Variants in NTM observed in about 807,000 individuals in gnomAD.
The protein encoded by NTM is neurotrimin.
A neutral mutation model predicts 42.1 loss-of-function variants in NTM; 13 were observed. The ratio of observed to expected loss-of-function variants is 0.31; its 90% CI spans 0.20 to 0.49. NTM has a LOEUF of 0.49. NTM is among the 20% of genes least tolerant of loss of function. The pLI is 0.99. For synonymous variants in NTM, 187 were observed against 179.2 expected (o/e 1.04, Z -0.35); for missense variants, 373 against 452.8 (o/e 0.82, Z 1.60).
chr11:131,620,289 A>G (rs1018506651), intron 1 of NTM, among the ~76,000 whole-genome samples: 2 of 152,132 alleles, frequency 1.3e-5, no homozygotes, highest in Non-Finnish European at 2.9e-5. Context: ...AGCTAAAACC[A>G]TTTTCAAGTC....
chr11:132,179,292 C>T (rs2077225743), intron 3 of NTM, among the ~76,000 whole-genome samples: 1 of 152,100 alleles, frequency 6.6e-6, no homozygotes, highest in African/African-American at 2.4e-5. Flanking sequence ...GAGAGTCTGC[C>T]AATCCAAAGT....
rs780711418 is a variant in NTM at position 131,375,421 on chromosome 11, T to G, written c.82+4533T>G. The stretch of plus-strand genomic sequence containing the variant: ...CAATTAAACATAAAAAAAGAAAGCA[T>G]GCAGTAATAAAGAAGTCGATGGCAT... On this transcript the variant is annotated intron_variant, in intron 1 of 8. Coordinates refer to ENST00000683400, the MANE Select transcript of NTM (RefSeq NM_001352005.2). Among the ~76,000 whole-genome samples the G allele has an allele frequency of 8.6e-4, 131 of 152,202 alleles. 3 individuals are homozygous for G. Among genetic ancestry groups the G allele is most frequent in the Non-Finnish European group, 1.3e-4 (9 of 68,038 alleles).
At chr11:132,076,361 T>C (rs1241775214) in intron 2 of NTM, among the ~76,000 whole-genome samples, 1 of 152,164 alleles carries the variant, frequency 6.6e-6, no homozygotes, top group Non-Finnish European at 1.5e-5. Context: ...ACTTGGACCA[T>C]GGGCTGCATT....
At chr11:132,062,653 C>T (rs368447746) in intron 2 of NTM, among the ~76,000 whole-genome samples, 9 of 152,278 alleles carry the variant, frequency 5.9e-5, no homozygotes, top group African/African-American at 2.2e-4. Flanking sequence ...TGTAATCAGA[C>T]AGGATGTAGC....
intron 2 of NTM, among the ~76,000 whole-genome samples, chr11:132,040,241 G>A (rs983143343): frequency 7.2e-5 from 11 of 152,272 alleles, no homozygotes; most frequent in African/African-American, 2.4e-4. Context: ...GATTACAGAC[G>A]TGAGCCACTT....
At chr11:132,241,254 C>G (rs1386866577) in intron 4 of NTM, among the ~76,000 whole-genome samples, 1 of 152,128 alleles carries the variant, frequency 6.6e-6, no homozygotes, top group Non-Finnish European at 1.5e-5. Context: ...AATTTGCCTT[C>G]TGTAAACTTT....
chr11:131,531,229 G>A (rs1318417315), intron 1 of NTM, among the ~76,000 whole-genome samples: 2 of 152,266 alleles, frequency 1.3e-5, no homozygotes, highest in Non-Finnish European at 2.9e-5. Flanking sequence ...TTGATCTCCT[G>A]AGCTCAAGTG....
At chr11:132,028,074 A>G (rs1039946722) in intron 2 of NTM, among the ~76,000 whole-genome samples, 1 of 149,392 alleles carries the variant, frequency 6.7e-6, no homozygotes, top group Non-Finnish European at 1.5e-5. Context: ...ATTCTTTTTT[A>G]CAGTTTTCAT....
At chr11:132,283,862 C>T (rs2094112377) in intron 4 of NTM, among the ~76,000 whole-genome samples, 1 of 152,130 alleles carries the variant, frequency 6.6e-6, no homozygotes, top group Admixed American at 6.5e-5. Context: ...AGAGGAGACA[C>T]TAAGCTCTTG....
chr11:131,848,136 A>C (rs972517229), intron 1 of NTM, among the ~76,000 whole-genome samples: 1 of 152,218 alleles, frequency 6.6e-6, no homozygotes, highest in African/African-American at 2.4e-5. Context: ...AGGGGTTCTA[A>C]AGTTCAGATA....
At chr11:131,799,314 A>G (rs771784675) in intron 1 of NTM, among the ~76,000 whole-genome samples, 2 of 152,202 alleles carry the variant, frequency 1.3e-5, no homozygotes, top group Non-Finnish European at 2.9e-5. Context: ...TCCTCTGCAC[A>G]GAATTCTTGG....
At chr11:131,782,140 A>G (rs1023967377) in intron 1 of NTM, among the ~76,000 whole-genome samples, 8 of 152,200 alleles carry the variant, frequency 5.3e-5, no homozygotes. Context: ...AGATTAATAA[A>G]TCCCAAAAGA....
At chr11:131,893,714 G>T (rs2051755883) in intron 1 of NTM, among the ~76,000 whole-genome samples, 1 of 152,194 alleles carries the variant, frequency 6.6e-6, no homozygotes, top group Non-Finnish European at 1.5e-5. Flanking sequence ...CTTAAAAAGT[G>T]AGGGCATCAA....
chr11:131,991,978 A>G (rs1251306124), intron 2 of NTM, among the ~76,000 whole-genome samples: 3 of 152,168 alleles, frequency 2.0e-5, no homozygotes, highest in Non-Finnish European at 2.9e-5. Context: ...GGATGTATAT[A>G]TGGAAACCTA....
chr11:131,377,569 G>A (rs1396620820), intron 1 of NTM, among the ~76,000 whole-genome samples: 1 of 152,200 alleles, frequency 6.6e-6, no homozygotes, highest in Non-Finnish European at 1.5e-5. Context: ...CTTTTAATTT[G>A]CTATCCAATC....
intron 1 of NTM, among the ~76,000 whole-genome samples, chr11:131,691,797 C>T (rs1362176739): frequency 6.6e-6 from 1 of 152,228 alleles, no homozygotes; most frequent in Non-Finnish European, 1.5e-5. Context: ...GGAGGCGGCG[C>T]ATCCACACAG....
intron 1 of NTM, among the ~76,000 whole-genome samples, chr11:131,666,664 G>A (rs554373404): frequency 3.9e-5 from 6 of 152,264 alleles, no homozygotes; most frequent in Non-Finnish European, 5.9e-5. Context: ...CCTGGATGAC[G>A]TTCCCAGAGT....
chr11:132,055,641 G>A (rs1318159552), intron 2 of NTM, among the ~76,000 whole-genome samples: 1 of 145,452 alleles, frequency 6.9e-6, no homozygotes, highest in Non-Finnish European at 1.5e-5. Flanking sequence ...GCGTGTGCAT[G>A]TGTGTGTGAG....
intron 4 of NTM, among the ~76,000 whole-genome samples, chr11:132,303,919 G>T (rs1258408299): frequency 1.3e-5 from 2 of 152,090 alleles, no homozygotes; most frequent in African/African-American, 4.8e-5. Flanking sequence ...AGCAACCCTA[G>T]AAGTAGGTAA....
Sources: gnomAD v4.1 joint callset for allele counts (sites outside exome capture counted in the v4.1 genomes callset) on GRCh38, gnomAD v4.1.1 for gene constraint, MANE v1.5 for transcripts, NCBI Gene and HGNC (gene_info 2026-07-23, HGNC 2026-07-21) for gene names.